Variants in RERE observed in about 807,000 individuals in gnomAD.
RERE encodes the protein arginine-glutamic acid dipeptide repeats protein.
In RERE, 40 loss-of-function variants were observed where a neutral mutation model predicts 146.1. The observed-to-expected ratio is 0.27, with a 90% CI of 0.21 to 0.36. The LOEUF (loss-of-function observed/expected upper bound fraction) is 0.36, where lower values mean the gene tolerates loss of function less well. Ranked by LOEUF, RERE falls within the 10% of genes least tolerant of loss-of-function variation. The probability of loss-of-function intolerance (pLI) is 1.00; values close to 1 mark genes in which losing one functional copy is unlikely to be tolerated. For missense variants in RERE, 1,933 were observed against 2,138.7 expected (o/e 0.90, Z 1.90); for synonymous variants, 1,003 against 866.0 (o/e 1.16, Z -2.78).
intron 1 of RERE, among the ~76,000 whole-genome samples, chr1:8,760,263 G>A (rs1640728436): frequency 6.6e-6 from 1 of 152,340 alleles, no homozygotes; most frequent in Admixed American, 6.5e-5. Context: ...CTGACCTCAG[G>A]TGATCCGCCC....
chr1:8,697,520 G>A (rs1160368311), intron 1 of RERE, among the ~76,000 whole-genome samples: 1 of 151,794 alleles, frequency 6.6e-6, no homozygotes, highest in Non-Finnish European at 1.5e-5. Flanking sequence ...CGCCTACCGA[G>A]TAGCTGGGAC....
intron 11 of RERE, among the ~76,000 whole-genome samples, chr1:8,437,304 T>C (rs1414698354): frequency 2.0e-5 from 3 of 151,840 alleles, no homozygotes; most frequent in African/African-American, 7.3e-5. Context: ...TAAAGAATGA[T>C]CTCAAAGAAG....
At chr1:8,815,616 G>C (rs1463525842) in intron 1 of RERE, among the ~76,000 whole-genome samples, 2 of 152,166 alleles carry the variant, frequency 1.3e-5, no homozygotes, top group African/African-American at 2.4e-5. Flanking sequence ...GTGTCCTTTA[G>C]TTTCCAATGC....
intron 1 of RERE, among the ~76,000 whole-genome samples, chr1:8,813,185 G>A (rs1424165712): frequency 1.3e-5 from 2 of 152,186 alleles, no homozygotes; most frequent in African/African-American, 2.4e-5. Flanking sequence ...ATCAGAAACT[G>A]ATTATGTAAA....
chr1:8,695,259 C>G lies in RERE; in HGVS notation c.-144-38818G>C, dbSNP rs573281081. On this transcript the variant is annotated intron_variant, in intron 1 of 22. Coordinates refer to ENST00000400908, the MANE Select transcript of RERE (RefSeq NM_001042681.2). The stretch of plus-strand genomic sequence containing the variant: ...GCTACCTTTTCCCATATATAAACAT[C>G]AACTCAAGGTGGATTAAATATTTAA... 5.0e-4 allele frequency among the ~76,000 whole-genome samples: 76 copies of G among 152,180 alleles called. 1 individual carries two copies. Among genetic ancestry groups the G allele is most frequent in the African/African-American group, 1.8e-3 (73 of 41,512 alleles).
intron 4 of RERE, among the ~76,000 whole-genome samples, chr1:8,575,549 A>G (rs1570459234): frequency 4.6e-5 from 3 of 65,474 alleles, no homozygotes; most frequent in Non-Finnish European, 5.9e-5. Context: ...ATATATATAT[A>G]TATATATATA....
intron 12 of RERE, among the ~76,000 whole-genome samples, chr1:8,416,525 G>A (rs1384883604): frequency 6.7e-6 from 1 of 148,244 alleles, no homozygotes; most frequent in Non-Finnish European, 1.5e-5. Flanking sequence ...GGCGGAGCTT[G>A]CAGTGAGCCG....
intron 1 of RERE, among the ~76,000 whole-genome samples, chr1:8,674,875 T>C (rs923491186): frequency 7.2e-5 from 11 of 152,118 alleles, no homozygotes; most frequent in African/African-American, 2.7e-4. Flanking sequence ...ACCCTTCAGC[T>C]CACCTGGAAA....
At chr1:8,359,358 G>A (rs1370080365) in intron 19 of RERE, among the ~76,000 whole-genome samples, 2 of 152,222 alleles carry the variant, frequency 1.3e-5, no homozygotes, top group Admixed American at 6.5e-5. Flanking sequence ...GGCCACAAAG[G>A]CAGGGCAGCT....
rs570737660 is a variant in RERE at position 8,672,496 on chromosome 1, C to T, written c.-144-16055G>A. The stretch of plus-strand genomic sequence containing the variant: ...GCCTGGAAATCTAATTTAAAGAGAT[C>T]AAATTATCAAATTCTGGCTAATGAC... On this transcript the variant is annotated intron_variant, in intron 1 of 22. Coordinates refer to ENST00000400908, the MANE Select transcript of RERE (RefSeq NM_001042681.2). Among the ~76,000 whole-genome samples, 53 of 152,258 alleles carry T rather than the reference C, an allele frequency of 3.5e-4. 1 individual carries two copies. In the South Asian group the frequency reaches 0.011, roughly 32 times the overall value.
Position 8,535,772 on chromosome 1 carries a change from G to T in RERE, c.830+5442C>A, listed in dbSNP as rs542363153. 6.4e-4 allele frequency among the ~76,000 whole-genome samples: 97 copies of T among 152,212 alleles called. 2 individuals are homozygous for T. The South Asian group carries it at 0.018, about 29-fold the overall frequency. ...ACTTCTAGGAAGAGGAAGAGGAGAA[G>T]GGAGAAAAGGATGAGAAGAGGTGGG... On this transcript the variant is annotated intron_variant, in intron 7 of 22. Transcript: ENST00000400908.
chr1:8,647,679 C>G (rs867536012), intron 2 of RERE, among the ~76,000 whole-genome samples: 119 of 93,726 alleles, frequency 1.3e-3, no homozygotes, highest in African/African-American at 1.9e-3. Context: ...GTGTGTGTGT[C>G]CCCTGGAACA....
chr1:8,424,769 G>C (rs1429367959), intron 11 of RERE: 1 of 152,480 alleles, frequency 6.6e-6, no homozygotes, highest in Non-Finnish European at 1.5e-5. Flanking sequence ...GGTGAAGCTA[G>C]GAAGAGGAAG....
intron 1 of RERE, among the ~76,000 whole-genome samples, chr1:8,799,759 T>A (rs1327720115): frequency 1.3e-5 from 2 of 152,058 alleles, no homozygotes; most frequent in Non-Finnish European, 2.9e-5. Flanking sequence ...ATTTTTTTTT[T>A]TTATTTTTAG....
intron 6 of RERE, among the ~76,000 whole-genome samples, chr1:8,551,188 T>G (rs774803937): frequency 1.1e-4 from 17 of 152,298 alleles, no homozygotes; most frequent in Non-Finnish European, 2.2e-4. Flanking sequence ...AAAACAGTCC[T>G]CAGTCAGCAA....
chr1:8,379,139 G>A (rs1328221611), intron 12 of RERE, among the ~76,000 whole-genome samples: 1 of 152,094 alleles, frequency 6.6e-6, no homozygotes, highest in African/African-American at 2.4e-5. Context: ...CGCGTGAAGG[G>A]ACACGGGGGA....
rs992999499 is a variant in RERE at position 8,528,101 on chromosome 1, G to A, written c.830+13113C>T. On this transcript the variant is annotated intron_variant, in intron 7 of 22. Coordinates refer to ENST00000400908, the MANE Select transcript of RERE (RefSeq NM_001042681.2). ...GAACTCTATCTGAAGCAGTGGAAAG[G>A]GCACAGTATCACTCATATAGTATGG... Among the ~76,000 whole-genome samples the A allele has an allele frequency of 3.3e-5, 5 of 152,120 alleles. No individual in the cohort carries two copies. The East Asian group carries it at 7.7e-4, about 23-fold the overall frequency.
intron 2 of RERE, among the ~76,000 whole-genome samples, chr1:8,641,018 CAA>C (rs971089666): frequency 1.3e-5 from 2 of 152,162 alleles, no homozygotes; most frequent in African/African-American, 4.8e-5. Flanking sequence ...ATTTAACAAA[CAA>C]AATACACTGC....
chr1:8,726,893 C>T (rs1639980921), intron 1 of RERE, among the ~76,000 whole-genome samples: 1 of 151,984 alleles, frequency 6.6e-6, no homozygotes, highest in African/African-American at 2.4e-5. Context: ...GCAACCTCCA[C>T]CTCCTGAGTT....
Sources: gnomAD v4.1 joint callset for allele counts (sites outside exome capture counted in the v4.1 genomes callset) on GRCh38, gnomAD v4.1.1 for gene constraint, MANE v1.5 for transcripts, NCBI Gene and HGNC (gene_info 2026-07-23, HGNC 2026-07-21) for gene names.